The following HCN1 variants were observed in gnomAD, a reference collection of about 807,000 sequenced individuals.
The protein encoded by HCN1 is potassium/sodium hyperpolarization-activated cyclic nucleotide-gated channel 1.
In HCN1, 13 loss-of-function variants were observed where a neutral mutation model predicts 78.9. That is an observed-to-expected ratio of 0.16 (90% CI 0.11 to 0.26). HCN1 has a LOEUF of 0.26. Ranked by LOEUF, HCN1 falls within the 10% of genes least tolerant of loss-of-function variation. The pLI, the probability that HCN1 is intolerant of heterozygous loss-of-function variation, is 1.00. For missense variants in HCN1, 810 were observed against 1,154.3 expected (o/e 0.70, Z 4.32); for synonymous variants, 552 against 455.5 (o/e 1.21, Z -2.70).
intron 2 of HCN1, among the ~76,000 whole-genome samples, chr5:45,509,489 A>C (rs936326080): frequency 6.6e-6 from 1 of 152,152 alleles, no homozygotes; most frequent in African/African-American, 2.4e-5. Flanking sequence ...CATGAACTGC[A>C]CTCATGAAAG....
chr5:45,265,991 G>A (rs1044017539), intron 7 of HCN1, among the ~76,000 whole-genome samples: 1 of 152,112 alleles, frequency 6.6e-6, no homozygotes, highest in Admixed American at 6.5e-5. Context: ...ACAGAGAGAG[G>A]AAGGTTGAGC....
chr5:45,349,543 T>C (rs1013559084), intron 5 of HCN1, among the ~76,000 whole-genome samples: 6 of 151,460 alleles, frequency 4.0e-5, no homozygotes, highest in Admixed American at 1.3e-4. Context: ...CTGAAGGAAA[T>C]AGAGACACAA....
chr5:45,419,248 C>T (rs1740179380), intron 3 of HCN1, among the ~76,000 whole-genome samples: 1 of 152,086 alleles, frequency 6.6e-6, no homozygotes, highest in Non-Finnish European at 1.5e-5. Flanking sequence ...GAACAAGTTA[C>T]CAAGTAACTG....
Position 45,695,883 on chromosome 5 carries a change from C to G in HCN1, c.211G>C (p.Gly71Arg), listed in dbSNP as rs771362022. Residue 71 changes from glycine to arginine, a missense_variant, in exon 1 of 8, where the codon GGC (glycine) becomes CGC (arginine). Gly to Arg is a moderately radical substitution (Grantham distance 125). This residue lies in a region of HCN1 where 170 missense variants were observed against 166.8 expected (regional missense o/e 1.02). Transcript: ENST00000303230. ...VDGGGGGGGG[G>R]GGGEEPAGGF... ...CCCGCCGGCTCCTCGCCGCCGCCGC[C>G]GCCGCCGCCACCGCCGCCACCGCCG... 1 of 1,524,724 alleles carries G rather than the reference C, an allele frequency of 6.6e-7. No individual in the cohort carries two copies. Among genetic ancestry groups the G allele is most frequent in the South Asian group, 1.2e-5 (1 of 83,470 alleles). 94.4% of individuals were successfully genotyped at this position (1,524,724 alleles called of 1,614,324 possible). A position where few individuals can be genotyped will look rare whatever the true frequency, so the allele number is the denominator to read the frequency against.
intron 2 of HCN1, among the ~76,000 whole-genome samples, chr5:45,553,200 G>A (rs1298816911): frequency 6.6e-6 from 1 of 151,752 alleles, no homozygotes; most frequent in African/African-American, 2.4e-5. Flanking sequence ...CGGTGACTGG[G>A]GTGGACGTCC....
At chr5:45,693,404 A>G in intron 1 of HCN1, among the ~76,000 whole-genome samples, 1 of 152,168 alleles carries the variant, frequency 6.6e-6, no homozygotes, top group East Asian at 1.9e-4. Context: ...AAAGATCTAA[A>G]TAATGATAAT....
At chr5:45,542,992 A>G (rs527576430) in intron 2 of HCN1, among the ~76,000 whole-genome samples, 2 of 152,310 alleles carry the variant, frequency 1.3e-5, no homozygotes, top group Admixed American at 6.6e-5. Context: ...GTATGACAAC[A>G]TTTTTAACCA....
At chr5:45,643,367 G>A (rs1745489838) in intron 2 of HCN1, 1 of 152,098 alleles carries the variant, frequency 6.6e-6, no homozygotes, top group African/African-American at 2.4e-5. Context: ...GTTTATATCA[G>A]TGACTTTCCT....
At chr5:45,477,859 T>C (rs1741552447) in intron 2 of HCN1, among the ~76,000 whole-genome samples, 1 of 152,068 alleles carries the variant, frequency 6.6e-6, no homozygotes, top group South Asian at 2.1e-4. Flanking sequence ...AAATGAATGG[T>C]TTTTAATGAG....
At chr5:45,375,278 T>A (rs1234906622) in intron 4 of HCN1, among the ~76,000 whole-genome samples, 1 of 121,404 alleles carries the variant, frequency 8.2e-6, no homozygotes, top group Non-Finnish European at 1.6e-5. Flanking sequence ...ATATATAATA[T>A]ATTATACATA....
At chr5:45,496,907 T>C (rs920078330) in intron 2 of HCN1, among the ~76,000 whole-genome samples, 1 of 152,200 alleles carries the variant, frequency 6.6e-6, no homozygotes, top group Non-Finnish European at 1.5e-5. Context: ...ACTCTGTCTT[T>C]GTTCTCATTG....
intron 2 of HCN1, among the ~76,000 whole-genome samples, chr5:45,543,176 A>G (rs1743139176): frequency 2.6e-5 from 4 of 152,142 alleles, no homozygotes; most frequent in African/African-American, 9.7e-5. Context: ...TGTTGCTTCA[A>G]TGAATTTGGT....
chr5:45,264,365 A>T (rs1744812004), intron 7 of HCN1, among the ~76,000 whole-genome samples: 1 of 152,208 alleles, frequency 6.6e-6, no homozygotes, highest in South Asian at 2.1e-4. Context: ...AAGAAGGGGA[A>T]AGTAGTGACT....
intron 4 of HCN1, among the ~76,000 whole-genome samples, chr5:45,384,131 G>A (rs1449358457): frequency 1.3e-5 from 2 of 152,100 alleles, no homozygotes; most frequent in Admixed American, 6.6e-5. Context: ...GAATTCTAAT[G>A]ATCAAAGCTT....
intron 1 of HCN1, among the ~76,000 whole-genome samples, chr5:45,664,935 T>C (rs1367218659): frequency 4.6e-5 from 7 of 151,684 alleles, no homozygotes; most frequent in Admixed American, 3.9e-4. Flanking sequence ...TTGACCCAGC[T>C]AACCCATTAC....
chr5:45,357,032 T>G (rs1561122207), intron 4 of HCN1, among the ~76,000 whole-genome samples: 1 of 152,084 alleles, frequency 6.6e-6, no homozygotes, highest in Non-Finnish European at 1.5e-5. Flanking sequence ...TCATTTAGTA[T>G]TATTTTTTTT....
chr5:45,500,029 T>C (rs1450350601), intron 2 of HCN1, among the ~76,000 whole-genome samples: 1 of 152,166 alleles, frequency 6.6e-6, no homozygotes, highest in Non-Finnish European at 1.5e-5. Context: ...TTTTATAATA[T>C]ACATGTTATA....
chr5:45,413,533 T>C (rs1740063784), intron 3 of HCN1, among the ~76,000 whole-genome samples: 2 of 152,094 alleles, frequency 1.3e-5, no homozygotes, highest in South Asian at 2.1e-4. Flanking sequence ...TTTTTGGTTA[T>C]GTATTTTTCC....
intron 4 of HCN1, among the ~76,000 whole-genome samples, chr5:45,356,734 C>G (rs1352477532): frequency 6.6e-6 from 1 of 151,936 alleles, no homozygotes; most frequent in Admixed American, 6.6e-5. Flanking sequence ...GATACTTTAC[C>G]AGGTGAAAGT....
Sources: allele counts gnomAD v4.1 joint callset (sites outside exome capture counted in the v4.1 genomes callset), GRCh38; gene constraint gnomAD v4.1.1; regional missense constraint gnomAD v4.1.1; transcripts MANE v1.5; gene names NCBI Gene and HGNC (gene_info 2026-07-23, HGNC 2026-07-21).